The following CETP variants were observed in gnomAD, a reference collection of about 807,000 sequenced individuals.
CETP encodes cholesteryl ester transfer protein, also known as BPI fold containing family F.
A neutral mutation model predicts 66.5 loss-of-function variants in CETP; 56 were observed. That is an observed-to-expected ratio of 0.84 (90% CI 0.68 to 1.05). The LOEUF is 1.05. Ranked by LOEUF, CETP falls within the 50% of genes least tolerant of loss-of-function variation. The probability of loss-of-function intolerance (pLI) is 0.00; values close to 1 mark genes in which losing one functional copy is unlikely to be tolerated. For synonymous variants in CETP, 251 were observed against 245.7 expected, an observed-to-expected ratio of 1.02 and a Z score of -0.20; for missense variants, 612 against 609.6, an observed-to-expected ratio of 1.00 and a Z score of -0.04.
At chr16:56,964,352 A>T (rs1373859100) in intron 2 of CETP, among the ~76,000 whole-genome samples, 2 of 152,188 alleles carry the variant, frequency 1.3e-5, no homozygotes, top group Non-Finnish European at 2.9e-5. Context: ...CATATATTTT[A>T]GCCTCTTCTG....
rs376326645 is a variant in CETP, at chr16:56,971,120, A to T, written c.597+18A>T. On this transcript the variant is annotated intron_variant, in intron 6 of 15. Coordinates refer to ENST00000200676, the MANE Select transcript of CETP (RefSeq NM_000078.3). Reference sequence around the variant, plus strand: ...AGGGACAGGTGAGTGAGGCTGGCTGACTCCCTGTGGTCCAGGGCCATGCCC... The same window carrying T: ...AGGGACAGGTGAGTGAGGCTGGCTGTCTCCCTGTGGTCCAGGGCCATGCCC... The T allele has an allele frequency of 7.8e-5, 126 of 1,611,876 alleles. No individual in the cohort carries two copies. The highest frequency in any genetic ancestry group is 1.0e-4 in the Non-Finnish European group (118 of 1,178,880).
rs1532625 is a variant in CETP at position 56,971,389 on chromosome 16, C to T, written c.658+8C>T. On this transcript the variant is annotated splice_region_variant and intron_variant, in intron 7 of 15. Transcript: ENST00000200676. ...TTGTCCAGACAAGGGCTGGTGAGTG[C>T]GTTTCTGTCTGCATGCCTCAGAAGA... is the stretch of plus-strand genomic sequence containing the variant. The T allele has an allele frequency of 0.42, 672,346 of 1,611,616 alleles. 144,548 individuals are homozygous for T. The highest frequency in any genetic ancestry group is 0.48 in the South Asian group (43,778 of 91,048).
chr16:56,977,462 T>A (rs1452977563), intron 10 of CETP, among the ~76,000 whole-genome samples: 1 of 152,094 alleles, frequency 6.6e-6, no homozygotes, highest in Non-Finnish European at 1.5e-5. Flanking sequence ...CCCCATGCCA[T>A]CTGCTCCTCC....
chr16:56,974,390 A>C (rs554676983), intron 9 of CETP, among the ~76,000 whole-genome samples: 15 of 152,338 alleles, frequency 9.8e-5, no homozygotes, highest in African/African-American at 3.6e-4. Context: ...TTGAGGCTGC[A>C]GTGAGCTATG....
At chr16:56,981,256 C>T (rs778035219) in intron 12 of CETP, 31 bp downstream of exon 12, 19 of 1,546,470 alleles carry the variant, frequency 1.2e-5, no homozygotes, top group Non-Finnish European at 1.6e-5. Flanking sequence ...AGGGGGCGGT[C>T]AACTCCGCAA....
At chr16:56,981,706 G>A (rs2056189842) in intron 13 of CETP, 26 bp downstream of exon 13, 9 of 1,612,488 alleles carry the variant, frequency 5.6e-6, no homozygotes, top group South Asian at 3.3e-5. Flanking sequence ...TAGACTGGGG[G>A]AAATAAGTCC....
chr16:56,977,551 C>G (rs1370418063), intron 10 of CETP, among the ~76,000 whole-genome samples: 8 of 152,174 alleles, frequency 5.3e-5, no homozygotes, highest in Admixed American at 4.6e-4. Context: ...GTGTGTCTCT[C>G]CTTTAAATAC....
At chr16:56,975,887 C>T (rs12720939) in intron 10 of CETP, among the ~76,000 whole-genome samples, 18 of 152,154 alleles carry the variant, frequency 1.2e-4, no homozygotes, top group African/African-American at 2.2e-4. Context: ...ACTTCCCCCC[C>T]ACGTCGCTGC....
At chr16:56,971,199 C>T in intron 6 of CETP, 97 bp downstream of exon 6, 1 of 1,510,732 alleles carries the variant, frequency 6.6e-7, no homozygotes, top group South Asian at 1.1e-5. Flanking sequence ...GCCACTCCCA[C>T]CTTCTCCATG....
intron 11 of CETP, among the ~76,000 whole-genome samples, chr16:56,980,899 G>T (rs866506675): frequency 1.3e-5 from 2 of 152,160 alleles, no homozygotes; most frequent in Admixed American, 6.5e-5. Flanking sequence ...TCCAGCCTGG[G>T]CAACAGAGTG....
chr16:56,970,114 T>G, intron 5 of CETP, 113 bp downstream of exon 5: 1 of 948,866 alleles, frequency 1.1e-6, no homozygotes, highest in Non-Finnish European at 1.6e-6. Context: ...TGGCCAAACC[T>G]GAGGGCAGCA....
intron 10 of CETP, among the ~76,000 whole-genome samples, chr16:56,977,363 C>A (rs181190832): frequency 6.6e-6 from 1 of 152,322 alleles, no homozygotes; most frequent in African/African-American, 2.4e-5. Flanking sequence ...CCCAGCCCCG[C>A]TGGCTGCCTG....
intron 2 of CETP, 103 bp from the exon 3 acceptor site, chr16:56,969,283 C>T: frequency 6.8e-7 from 1 of 1,461,298 alleles, no homozygotes. Flanking sequence ...ATTTTGGGGG[C>T]CATGATTCTA....
chr16:56,973,822 A>C (rs158478), intron 9 of CETP, among the ~76,000 whole-genome samples: 70,427 of 152,054 alleles, frequency 0.46, 17,023 homozygotes, highest in Middle Eastern at 0.59. Context: ...TCTCCGAGTG[A>C]GCAATTCCTG....
intron 2 of CETP, among the ~76,000 whole-genome samples, chr16:56,969,044 C>T (rs1188590741): frequency 1.3e-5 from 2 of 152,030 alleles, no homozygotes; most frequent in African/African-American, 4.8e-5. Flanking sequence ...TCTCTCCGGG[C>T]GTTCTTCCCT....
intron 9 of CETP, 27 bp downstream of exon 9, chr16:56,973,537 G>T: frequency 6.2e-7 from 1 of 1,613,364 alleles, no homozygotes; most frequent in Non-Finnish European, 8.5e-7. Flanking sequence ...GGGCTGCTAG[G>T]GGATCCAGAT....
intron 12 of CETP, 98 bp downstream of exon 12, chr16:56,981,323 G>A: frequency 9.8e-7 from 1 of 1,018,104 alleles, no homozygotes; most frequent in Non-Finnish European, 1.6e-6. Context: ...GGGGAAATGT[G>A]GCCCCTTTCT....
At chr16:56,962,392 C>G in intron 1 of CETP, 2 of 651,554 alleles carry the variant, frequency 3.1e-6, no homozygotes, top group Non-Finnish European at 5.8e-6. Flanking sequence ...GGGTTCAGAT[C>G]TGAGCCAGGT....
At chr16:56,973,065 A>G (rs1411922080) in intron 8 of CETP, among the ~76,000 whole-genome samples, 1 of 152,156 alleles carries the variant, frequency 6.6e-6, no homozygotes, top group East Asian at 1.9e-4. Context: ...TGCCCTGACT[A>G]ATGTCGTTAC....
Sources: gnomAD v4.1 joint callset for allele counts (sites outside exome capture counted in the v4.1 genomes callset) on GRCh38, gnomAD v4.1.1 for gene constraint, MANE v1.5 for transcripts, NCBI Gene and HGNC (gene_info 2026-07-23, HGNC 2026-07-21) for gene names.